Variants in PCDH15 observed in about 807,000 individuals in gnomAD.
The protein encoded by PCDH15 is protocadherin-15.
In PCDH15, 129 loss-of-function variants were observed where a neutral mutation model predicts 178.5. That is an observed-to-expected ratio of 0.72 (90% confidence interval 0.63 to 0.84). The LOEUF is 0.84. Among genes scored for constraint, PCDH15 ranks in the 40% least tolerant of loss-of-function variants. The pLI is 0.00. For synonymous variants in PCDH15, 800 were observed against 732.0 expected, an observed-to-expected ratio of 1.09 and a Z score of -1.50; for missense variants, 2,230 against 2,099.9, an observed-to-expected ratio of 1.06 and a Z score of -1.21.
chr10:53,823,419 A>C (rs1018371266), intron 32 of PCDH15: 2 of 1,495,504 alleles, frequency 1.3e-6, no homozygotes, highest in Non-Finnish European at 1.9e-6. Flanking sequence ...CTTTCATGAG[A>C]AAGATGTTTT....
At chr10:53,821,390 C>T in intron 32 of PCDH15, 1 of 994,296 alleles carries the variant, frequency 1.0e-6, no homozygotes, top group Non-Finnish European at 1.2e-6. Flanking sequence ...TTTCTTCTTA[C>T]CAAATACATA....
intron 2 of PCDH15, among the ~76,000 whole-genome samples, chr10:55,452,409 G>T (rs1390995082): frequency 6.6e-6 from 1 of 152,064 alleles, no homozygotes; most frequent in Admixed American, 6.6e-5. Flanking sequence ...TACAGTATTT[G>T]TCCCATCCTG....
At chr10:55,577,863 T>C (rs1842526285) in intron 2 of PCDH15, among the ~76,000 whole-genome samples, 1 of 152,140 alleles carries the variant, frequency 6.6e-6, no homozygotes, top group South Asian at 2.1e-4. Context: ...CAGTAGTAAA[T>C]TAAATGATTT....
intron 2 of PCDH15, among the ~76,000 whole-genome samples, chr10:55,531,855 T>C (rs1272902246): frequency 6.6e-6 from 1 of 152,022 alleles, no homozygotes; most frequent in Admixed American, 6.6e-5. Flanking sequence ...TCATAAAGTG[T>C]TTATATAGAG....
intron 3 of PCDH15, among the ~76,000 whole-genome samples, chr10:54,458,078 G>A (rs2076939837): frequency 6.6e-6 from 1 of 152,112 alleles, no homozygotes. Flanking sequence ...TATGTTTTAT[G>A]TATCTCCCTT....
chr10:55,016,504 T>C (rs565285378), intron 2 of PCDH15, among the ~76,000 whole-genome samples: 17 of 152,264 alleles, frequency 1.1e-4, no homozygotes, highest in Admixed American at 1.0e-3. Flanking sequence ...TGAGAACATG[T>C]AAAGTATGTC....
chr10:55,074,744 C>T (rs11516551), intron 2 of PCDH15, among the ~76,000 whole-genome samples: 10,222 of 152,098 alleles, frequency 0.067, 457 homozygotes, highest in African/African-American at 0.11. Context: ...TCTATTTTGG[C>T]CTTTGTTGCA....
chr10:55,300,934 A>T (rs577679735), intron 1 of PCDH15, among the ~76,000 whole-genome samples: 2 of 152,282 alleles, frequency 1.3e-5, no homozygotes, highest in African/African-American at 4.8e-5. Flanking sequence ...CATCAACACA[A>T]ATATCTCTCA....
chr10:54,500,213 CAT>C (rs2080534775), intron 3 of PCDH15, among the ~76,000 whole-genome samples: 1 of 152,070 alleles, frequency 6.6e-6, no homozygotes, highest in Non-Finnish European at 1.5e-5. Context: ...TCAAATACCA[CAT>C]GTTTTCACTT....
chr10:53,818,668 A>G (rs1419178418), intron 33 of PCDH15, among the ~76,000 whole-genome samples: 1 of 152,080 alleles, frequency 6.6e-6, no homozygotes, highest in East Asian at 1.9e-4. Flanking sequence ...CTTGAGGGGG[A>G]GAAAAGAATA....
At chr10:54,420,697 T>C (rs149529439) in intron 3 of PCDH15, among the ~76,000 whole-genome samples, 144 of 152,088 alleles carry the variant, frequency 9.5e-4, no homozygotes, top group African/African-American at 3.0e-3. Context: ...TGGGAAATAA[T>C]TGCACATTTA....
At position 55,014,017 on chromosome 10, in the gene PCDH15, T is replaced by TA. The variant is rs566810903; in HGVS notation, c.-79-116518dup. 2.4e-4 allele frequency among the ~76,000 whole-genome samples: 37 copies of TA among 152,208 alleles called. 1 individual carries two copies. In the South Asian group the frequency reaches 7.7e-3, roughly 32 times the overall value. On this transcript the variant is annotated intron_variant, in intron 2 of 5. Transcript: ENST00000458638. ...TAGTATTCATTTAGATATTATGATA[T>TA]AAAAATATACTGAACAGTTACTTTA... is the stretch of plus-strand genomic sequence containing the variant.
chr10:54,689,401 A>G (rs1043662524), intron 1 of PCDH15, among the ~76,000 whole-genome samples: 2 of 152,166 alleles, frequency 1.3e-5, no homozygotes, highest in Non-Finnish European at 2.9e-5. Flanking sequence ...GAAACTGTTG[A>G]TCTCCAAACC....
chr10:54,924,835 T>C (rs766124325), intron 2 of PCDH15, among the ~76,000 whole-genome samples: 8 of 152,194 alleles, frequency 5.3e-5, no homozygotes, highest in Non-Finnish European at 1.2e-4. Context: ...CTTAATTTGC[T>C]AGATATTAGA....
At chr10:53,834,521 T>G (rs534375561) in intron 29 of PCDH15, among the ~76,000 whole-genome samples, 1 of 151,280 alleles carries the variant, frequency 6.6e-6, no homozygotes, top group Non-Finnish European at 1.5e-5. Flanking sequence ...GAAATGTGTT[T>G]TTTTTTTTTT....
At chr10:54,162,122 A>G (rs1048016842) in intron 13 of PCDH15, among the ~76,000 whole-genome samples, 1 of 152,156 alleles carries the variant, frequency 6.6e-6, no homozygotes, top group African/African-American at 2.4e-5. Context: ...TTTCTGCTAC[A>G]TTATAGAATG....
intron 2 of PCDH15, among the ~76,000 whole-genome samples, chr10:55,618,299 C>T (rs1843518585): frequency 6.6e-6 from 1 of 152,022 alleles, no homozygotes; most frequent in African/African-American, 2.4e-5. Flanking sequence ...ATTATCCTTT[C>T]ATAGCATTTA....
At chr10:54,089,956 T>G in intron 16 of PCDH15, 28 bp downstream of exon 16, 2 of 1,550,676 alleles carry the variant, frequency 1.3e-6, no homozygotes, top group African/African-American at 2.7e-5. Flanking sequence ...GTACATTTTT[T>G]TAAAGTAGGA....
At chr10:54,332,884 T>A (rs1340121836) in intron 6 of PCDH15, among the ~76,000 whole-genome samples, 1 of 152,098 alleles carries the variant, frequency 6.6e-6, no homozygotes, top group African/African-American at 2.4e-5. Flanking sequence ...CTTAAATCTA[T>A]CCTTTAGAGA....
Sources: gnomAD v4.1 joint callset for allele counts (sites outside exome capture counted in the v4.1 genomes callset) on GRCh38, gnomAD v4.1.1 for gene constraint, MANE v1.5 for transcripts, NCBI Gene and HGNC (gene_info 2026-07-23, HGNC 2026-07-21) for gene names.